LPA: variants seen among roughly 807,000 people sequenced by gnomAD.
LPA encodes apolipoprotein(a).
LPA carries 199 observed loss-of-function variants against 197.9 expected under a neutral mutation model. The observed-to-expected ratio is 1.01, with a 90% CI of 0.90 to 1.13. The LOEUF (loss-of-function observed/expected upper bound fraction) is 1.13. Among genes scored for constraint, LPA ranks in the 50% most tolerant of loss-of-function variants. The pLI, the probability that LPA is intolerant of heterozygous loss-of-function variation, is 0.00. For missense variants in LPA, 1,853 were observed against 1,785.8 expected, an observed-to-expected ratio of 1.04 and a Z score of -0.68; for synonymous variants, 715 against 639.5, an observed-to-expected ratio of 1.12 and a Z score of -1.78.
Position 160,605,174 on chromosome 6 carries a change from C to T in LPA, c.2817G>A (p.Glu939=), listed in dbSNP as rs764341997. ...AACTCTGTCCATTTCCGTGGTAGCA[C>T]TCCTGCACCCCAGGCCTTTGCTCAG... The part of the protein sequence containing the change: ...APTEQRPGVQ[E]CYHGNGQSYQ... The change falls in exon 18 of 39, where the codon GAG becomes GAA. Residue 939 remains glutamate, a synonymous_variant. Coordinates refer to ENST00000316300, the MANE Select transcript of LPA (RefSeq NM_005577.4). The T allele has an allele frequency of 6.2e-7, 1 of 1,613,924 alleles. No individual in the cohort carries two copies. The highest frequency in any genetic ancestry group is 2.2e-5 in the East Asian group (1 of 44,878).
chr6:160,664,148 A>T lies in LPA; in HGVS notation c.49+18T>A, dbSNP rs1177508026. ...GGAGAAAAAATAATTCTTATAATTT[A>T]AAAAAACTATGTCTTACCTGATTTC... On this transcript the variant is annotated intron_variant, in intron 1 of 38. Transcript: ENST00000316300. The T allele has an allele frequency of 1.1e-5, 17 of 1,588,300 alleles. No homozygotes were observed. Among genetic ancestry groups the T allele is most frequent in the Non-Finnish European group, 1.5e-5 (17 of 1,162,998 alleles).
Position 160,556,081 on chromosome 6 carries a change from A to G in LPA, c.4917T>C (p.Ser1639=). The G allele has an allele frequency of 1.2e-6, 2 of 1,613,768 alleles. No homozygotes were observed. Among genetic ancestry groups the G allele is most frequent in the African/African-American group, 1.3e-5 (1 of 74,994 alleles). ...GCCGGTGTGGTGTCATGGATGACCA[A>G]GATTGACATGTCCTTCCTGTGACAG... ...STTVTGRTCQ[S]WSSMTPHRHQ... Residue 1639 remains serine, a synonymous_variant, in exon 30 of 39, where the codon TCT becomes TCC. Coordinates refer to ENST00000316300, the MANE Select transcript of LPA (RefSeq NM_005577.4).
In LPA at chr6:160,532,554, C is replaced by A; in HGVS notation, c.5938G>T (p.Ala1980Ser). 6.2e-7 allele frequency: 1 copy of A among 1,610,184 alleles called. No homozygotes were observed. Among genetic ancestry groups the A allele is most frequent in the Non-Finnish European group, 8.5e-7 (1 of 1,176,442 alleles). The change falls in exon 38 of 39, where the codon GCC becomes TCC. Residue 1980 changes from alanine to serine, a missense_variant. Transcript: ENST00000316300. ...HYKYICAEHL[A>S]RGTDSCQGDS... ...ACCTGGCAACTGTCAGTGCCTCTGG[C>A]CAAATGCTCAGCACAAATATACTTA...
chr6:160,660,718 A>C (rs962279959), intron 1 of LPA, among the ~76,000 whole-genome samples: 2 of 152,148 alleles, frequency 1.3e-5, no homozygotes, highest in Admixed American at 6.5e-5. Context: ...GATGTTGGGA[A>C]TAAATAAAAA....
chr6:160,603,292 G>A (rs1379469740), intron 18 of LPA, among the ~76,000 whole-genome samples: 1 of 151,592 alleles, frequency 6.6e-6, no homozygotes, highest in Admixed American at 6.6e-5. Flanking sequence ...GCATGTGTGA[G>A]TATGTGTGTA....
intron 31 of LPA, among the ~76,000 whole-genome samples, chr6:160,548,146 C>T (rs1383942002): frequency 4.6e-5 from 7 of 152,136 alleles, no homozygotes; most frequent in African/African-American, 1.7e-4. Context: ...TGGAAATAAT[C>T]ACACAGTTGA....
At chr6:160,649,990 A>G (rs1331781828) in intron 2 of LPA, among the ~76,000 whole-genome samples, 7 of 152,144 alleles carry the variant, frequency 4.6e-5, no homozygotes, top group Non-Finnish European at 1.0e-4. Context: ...CACAACCTTC[A>G]CTTCAGGAAT....
Position 160,578,588 on chromosome 6 carries a change from T to C in LPA, c.4406A>G (p.Glu1469Gly), listed in dbSNP as rs763700880. 1.9e-6 allele frequency: 3 copies of C among 1,613,944 alleles called. No homozygotes were observed. The highest frequency in any genetic ancestry group is 2.7e-5 in the African/African-American group (2 of 74,926). The part of the protein sequence containing the change: ...YCNLTRCPVT[E>G]SSVLTTPTVA... ...TGTGGGAGTTGTGAGGACACTCGAT[T>C]CTGTCACTGGACATCGTGTCAGGTT... Residue 1469 changes from glutamate (E) to glycine (G), a missense_variant, in exon 27 of 39, where the codon GAA (glutamate) becomes GGA (glycine). By Grantham distance (98) the Glu-to-Gly change is moderately conservative. Around this residue, in one of 3 missense-constraint regions of LPA, gnomAD observed 1,737 missense variants for 1,504.4 expected, o/e 1.15. Coordinates refer to ENST00000316300, the MANE Select transcript of LPA (RefSeq NM_005577.4).
chr6:160,653,967 T>A (rs1329963476), intron 1 of LPA, among the ~76,000 whole-genome samples: 2 of 24,514 alleles, frequency 8.2e-5, no homozygotes, highest in Non-Finnish European at 1.4e-4. Context: ...TAATATATAT[T>A]ATATATAATA....
rs753018050 is a variant in LPA, at chr6:160,531,699, G to T, written c.*30C>A. ...TTACCCACGTTTCAGCTTCTAAGTA[G>T]GTTGATGCTTCACTCTGTCTCCCGT... On this transcript the variant is annotated 3_prime_UTR_variant, in exon 39 of 39. Transcript: ENST00000316300. 6.2e-7 allele frequency: 1 copy of T among 1,613,480 alleles called. No homozygotes were observed. Among genetic ancestry groups the T allele is most frequent in the South Asian group, 1.1e-5 (1 of 91,052 alleles).
chr6:160,593,479 A>G (rs1385820151), intron 22 of LPA, among the ~76,000 whole-genome samples: 3 of 152,180 alleles, frequency 2.0e-5, no homozygotes, highest in African/African-American at 4.8e-5. Context: ...ATAGCTCTTC[A>G]GATACCTTGT....
At chr6:160,569,151 C>T (rs1164602944) in intron 28 of LPA, among the ~76,000 whole-genome samples, 2 of 152,010 alleles carry the variant, frequency 1.3e-5, no homozygotes, top group Admixed American at 6.6e-5. Flanking sequence ...TCATATGGAA[C>T]AAAAAAGAGC....
chr6:160,587,459 G>A (rs1475421518), intron 24 of LPA, among the ~76,000 whole-genome samples: 4 of 152,088 alleles, frequency 2.6e-5, no homozygotes, highest in African/African-American at 9.7e-5. Context: ...GTTGTTCATA[G>A]GAACCCCCTT....
chr6:160,608,634 G>A (rs149938300), intron 16 of LPA, among the ~76,000 whole-genome samples: 3 of 151,922 alleles, frequency 2.0e-5, no homozygotes, highest in Non-Finnish European at 2.9e-5. Context: ...TCGTGTTTTT[G>A]CGATTTTGTT....
rs745864841 is a variant in LPA at position 160,611,531 on chromosome 6, T to A, written c.2603+31A>T. On this transcript the variant is annotated intron_variant, in intron 16 of 38. Transcript: ENST00000316300. ...GTCACAGAAACTTCAGTTGGCCCTT[T>A]ATTCTCTTATGGTAAAGAACAAAGA... 6 of 1,607,158 alleles carry A rather than the reference T, an allele frequency of 3.7e-6. No individual in the cohort carries two copies. In the East Asian group the frequency reaches 1.3e-4, roughly 36 times the overall value.
intron 33 of LPA, among the ~76,000 whole-genome samples, chr6:160,544,043 C>T (rs1778024654): frequency 6.6e-6 from 1 of 152,178 alleles, no homozygotes; most frequent in Non-Finnish European, 1.5e-5. Flanking sequence ...CTTCTTTCTC[C>T]AATCTCTAAG....
intron 24 of LPA, among the ~76,000 whole-genome samples, chr6:160,587,235 G>C (rs899398328): frequency 6.6e-6 from 1 of 152,174 alleles, no homozygotes; most frequent in Non-Finnish European, 1.5e-5. Flanking sequence ...TCCTTGGTCT[G>C]TCATCTGTTT....
Position 160,537,907 on chromosome 6 carries a change from G to C in LPA, c.5790C>G (p.Tyr1930Ter). 1 of 1,614,244 alleles carries C rather than the reference G, an allele frequency of 6.2e-7. No individual in the cohort carries two copies. Among genetic ancestry groups the C allele is most frequent in the Non-Finnish European group, 8.5e-7 (1 of 1,180,046 alleles). The change falls in exon 37 of 39, where the codon TAC becomes TAG. Residue 1930 changes from tyrosine (Y) to a stop codon, truncating the protein, a stop_gained. Transcript: ENST00000316300. LOFTEE classifies it high-confidence loss of function. ...VMPACLPSPDYMVTARTECYI... is the reference protein window; with the variant it reads ...VMPACLPSPD ...AACATTCAGTCCTGGCGGTGACCAT[G>C]TAGTCTGGGGATGGCAGACAAGCTG... is the stretch of plus-strand genomic sequence containing the variant.
At chr6:160,564,649 G>A (rs558517058) in intron 28 of LPA, among the ~76,000 whole-genome samples, 90 of 152,322 alleles carry the variant, frequency 5.9e-4, no homozygotes, top group African/African-American at 2.1e-3. Flanking sequence ...ACCGGGGCTT[G>A]TCAGACAGTG....
Sources: gnomAD v4.1 joint callset for allele counts (sites outside exome capture counted in the v4.1 genomes callset) on GRCh38, gnomAD v4.1.1 for gene constraint, gnomAD v4.1.1 regional missense constraint, MANE v1.5 for transcripts, NCBI Gene and HGNC (gene_info 2026-07-23, HGNC 2026-07-21) for gene names.